Variants in NOX4 observed in about 807,000 individuals in gnomAD.
NOX4 encodes the protein kidney oxidase-1.
Under a neutral mutation model 87.6 loss-of-function variants are expected in NOX4, and 69 were observed. The observed-to-expected ratio is 0.79, with a 90% confidence interval of 0.65 to 0.96. NOX4 has a LOEUF of 0.96. NOX4 is among the 40% of genes least tolerant of loss of function. The pLI is 0.00. For synonymous variants in NOX4, 275 were observed against 238.2 expected, an observed-to-expected ratio of 1.15 and a Z score of -1.42; for missense variants, 680 against 681.5, an observed-to-expected ratio of 1.00 and a Z score of 0.02.
intron 2 of NOX4, among the ~76,000 whole-genome samples, chr11:89,482,090 A>T (rs1178284878): frequency 6.6e-6 from 1 of 152,022 alleles, no homozygotes; most frequent in African/African-American, 2.4e-5. Context: ...TAATGGAGGG[A>T]ATAAAGGGTT....
the NOX4 span, among the ~76,000 whole-genome samples, chr11:89,540,546 G>A: frequency 2.4e-4 from 36 of 151,702 alleles, no homozygotes; most frequent in African/African-American, 8.2e-4. Context: ...CCAGTACTTT[G>A]GGAGACCGAG....
At chr11:89,569,682 T>C in the NOX4 span, among the ~76,000 whole-genome samples, 1 of 152,182 alleles carries the variant, frequency 6.6e-6, no homozygotes, top group Admixed American at 6.5e-5. Flanking sequence ...ATCCCAGGAA[T>C]TCCATTTCTG....
chr11:89,540,786 T>TAAAAA, the NOX4 span, among the ~76,000 whole-genome samples: 15 of 43,520 alleles, frequency 3.4e-4, 1 homozygote, highest in Non-Finnish European at 4.5e-4. Flanking sequence ...AGACTCCGTC[T>TAAAAA]AAAAAAAAAA....
chr11:89,541,841 A>T, the NOX4 span, among the ~76,000 whole-genome samples: 1 of 152,204 alleles, frequency 6.6e-6, no homozygotes, highest in African/African-American at 2.4e-5. Flanking sequence ...TATTATTAAG[A>T]TAAGTTCTCA....
the NOX4 span, among the ~76,000 whole-genome samples, chr11:89,517,159 G>C: frequency 4.3e-4 from 65 of 152,116 alleles, no homozygotes; most frequent in African/African-American, 1.5e-3. Flanking sequence ...AGTCATAACT[G>C]TATTATATCT....
the NOX4 span, among the ~76,000 whole-genome samples, chr11:89,554,111 A>C: frequency 6.6e-6 from 1 of 152,080 alleles, no homozygotes; most frequent in South Asian, 2.1e-4. Flanking sequence ...CAGAAATAGT[A>C]TCAAGTATGT....
At chr11:89,435,635 C>A (rs112406036) in intron 6 of NOX4, among the ~76,000 whole-genome samples, 1 of 151,926 alleles carries the variant, frequency 6.6e-6, no homozygotes, top group Non-Finnish European at 1.5e-5. Flanking sequence ...TAGGTCAGAA[C>A]ATGAAAACAT....
chr11:89,485,231 T>A (rs1206184058), intron 2 of NOX4, among the ~76,000 whole-genome samples: 1 of 152,130 alleles, frequency 6.6e-6, no homozygotes, highest in Admixed American at 6.6e-5. Context: ...AGAGCATAGA[T>A]ATTTCAATAA....
chr11:89,453,849 C>T (rs1319289890), intron 2 of NOX4, among the ~76,000 whole-genome samples: 2 of 152,122 alleles, frequency 1.3e-5, no homozygotes, highest in Non-Finnish European at 2.9e-5. Context: ...GCTAAATTGC[C>T]TTTAAAAAGA....
intron 2 of NOX4, among the ~76,000 whole-genome samples, chr11:89,475,620 G>A (rs977379421): frequency 3.3e-5 from 5 of 151,964 alleles, no homozygotes; most frequent in East Asian, 1.9e-4. Flanking sequence ...AACGTAAAGC[G>A]CAGGCTTCAA....
intron 2 of NOX4, among the ~76,000 whole-genome samples, chr11:89,457,844 T>C (rs1322427262): frequency 6.6e-6 from 1 of 151,816 alleles, no homozygotes; most frequent in Admixed American, 6.6e-5. Flanking sequence ...GAAATACAAA[T>C]AACCAGGTAA....
chr11:89,407,718 C>T (rs1942264102), intron 8 of NOX4, among the ~76,000 whole-genome samples: 1 of 151,906 alleles, frequency 6.6e-6, no homozygotes, highest in African/African-American at 2.4e-5. Flanking sequence ...TAATATAATA[C>T]ATTAAATGAA....
At chr11:89,406,524 T>C (rs1942194667) in intron 8 of NOX4, among the ~76,000 whole-genome samples, 1 of 152,166 alleles carries the variant, frequency 6.6e-6, no homozygotes, top group Admixed American at 6.6e-5. Context: ...TTAGACATAT[T>C]ATTTTATTAA....
At chr11:89,394,831 C>T (rs1033281702) in intron 11 of NOX4, among the ~76,000 whole-genome samples, 3 of 152,168 alleles carry the variant, frequency 2.0e-5, no homozygotes, top group Admixed American at 6.6e-5. Context: ...AGGACATGAA[C>T]TCATCTGTTT....
chr11:89,514,101 G>A, the NOX4 span, among the ~76,000 whole-genome samples: 1 of 151,946 alleles, frequency 6.6e-6, no homozygotes, highest in African/African-American at 2.4e-5. Context: ...AGAGAATATT[G>A]TCATTTTAAC....
At chr11:89,431,025 G>A (rs1430147516) in intron 7 of NOX4, among the ~76,000 whole-genome samples, 2 of 152,148 alleles carry the variant, frequency 1.3e-5, no homozygotes, top group Admixed American at 1.3e-4. Flanking sequence ...CAATGGAACA[G>A]AACAGAGCCC....
At chr11:89,462,492 T>C (rs890395465) in intron 2 of NOX4, among the ~76,000 whole-genome samples, 17 of 152,104 alleles carry the variant, frequency 1.1e-4, no homozygotes, top group African/African-American at 4.1e-4. Flanking sequence ...TCAGAATGTG[T>C]TTCTTGTGTA....
At chr11:89,341,929 T>C (rs1372630100) in intron 14 of NOX4, 145 bp downstream of exon 14, 1 of 683,134 alleles carries the variant, frequency 1.5e-6, no homozygotes, top group Non-Finnish European at 2.4e-6. Flanking sequence ...ATCACTGAAT[T>C]ATTCCCCTCA....
the NOX4 span, among the ~76,000 whole-genome samples, chr11:89,519,654 T>A: frequency 6.6e-6 from 1 of 152,000 alleles, no homozygotes; most frequent in Admixed American, 6.6e-5. Context: ...GAAGCCAAAG[T>A]TTCAAGAGCT....
Sources: gnomAD v4.1 joint callset for allele counts (sites outside exome capture counted in the v4.1 genomes callset) on GRCh38, gnomAD v4.1.1 for gene constraint, MANE v1.5 for transcripts, NCBI Gene and HGNC (gene_info 2026-07-23, HGNC 2026-07-21) for gene names.